FMR1NB: variants seen among roughly 807,000 people sequenced by gnomAD.
FMR1NB encodes the protein FMR1 neighbor.
A neutral mutation model predicts 16.8 loss-of-function variants in FMR1NB; 10 were observed. The observed-to-expected ratio is 0.60, with a 90% CI of 0.37 to 1.01. The LOEUF (loss-of-function observed/expected upper bound fraction) is 1.01, where lower values mean the gene tolerates loss of function less well. Among genes scored for constraint, FMR1NB ranks in the 50% least tolerant of loss-of-function variants. The pLI is 0.01. For synonymous variants in FMR1NB, 83 were observed against 79.1 expected (o/e 1.05, Z -0.26); for missense variants, 205 against 204.8 (o/e 1.00, Z 0.00).
chrX:147,989,442 C>T (rs1557187378), intron 1 of FMR1NB, among the ~76,000 whole-genome samples: 1 of 112,050 alleles, frequency 8.9e-6, no homozygotes, highest in African/African-American at 3.2e-5. Context: ...CTGTCACCCC[C>T]TGTTGGGAGG....
intron 1 of FMR1NB, among the ~76,000 whole-genome samples, chrX:147,996,742 A>G (rs1353768439): frequency 2.7e-5 from 3 of 112,281 alleles, no homozygotes; most frequent in African/African-American, 9.7e-5. Flanking sequence ...TCACATATAG[A>G]TGAAGCTCTC....
chrX:148,001,958 T>C (rs1569546658), intron 1 of FMR1NB, among the ~76,000 whole-genome samples: 1 of 110,428 alleles, frequency 9.1e-6, no homozygotes, highest in Non-Finnish European at 1.9e-5. Context: ...AAAAATCGTA[T>C]CCCTACTCCA....
At chrX:148,014,850 G>T (rs998622252) in intron 4 of FMR1NB, among the ~76,000 whole-genome samples, 7 of 111,464 alleles carry the variant, frequency 6.3e-5, no homozygotes, top group African/African-American at 2.3e-4. Flanking sequence ...TCACCATGTT[G>T]CCCAGGCTGG....
chrX:148,006,581 C>T, intron 2 of FMR1NB, 121 bp from the exon 3 acceptor site: 2 of 697,805 alleles, frequency 2.9e-6, no homozygotes, highest in Non-Finnish European at 4.2e-6. Flanking sequence ...TAGCACCCAT[C>T]ATTAGCTGTA....
chrX:147,998,345 A>G (rs782085788), intron 1 of FMR1NB, among the ~76,000 whole-genome samples: 78 of 111,250 alleles, frequency 7.0e-4, no homozygotes, highest in African/African-American at 2.5e-3. Context: ...TCAGCAAACT[A>G]ACACAGGGAC....
chrX:148,012,148 C>T (rs1557189684), intron 4 of FMR1NB, among the ~76,000 whole-genome samples: 2 of 108,260 alleles, frequency 1.8e-5, no homozygotes, highest in East Asian at 5.8e-4. Context: ...TGGATAGCGA[C>T]AAAAGGAAGC....
chrX:148,015,935 T>C (rs1557190101), intron 4 of FMR1NB, among the ~76,000 whole-genome samples: 1 of 112,084 alleles, frequency 8.9e-6, no homozygotes, highest in African/African-American at 3.2e-5. Flanking sequence ...TGTACAGGGG[T>C]CTATCTCTAT....
intron 4 of FMR1NB, among the ~76,000 whole-genome samples, chrX:148,023,525 T>C (rs1438488821): frequency 9.2e-6 from 1 of 108,132 alleles, no homozygotes; most frequent in Non-Finnish European, 1.9e-5. Context: ...AACCTTGTTT[T>C]TCTGTACAGC....
At chrX:147,989,686 G>A (rs2044494400) in intron 1 of FMR1NB, among the ~76,000 whole-genome samples, 1 of 111,903 alleles carries the variant, frequency 8.9e-6, no homozygotes, top group Admixed American at 9.5e-5. Context: ...CTTGACTGGG[G>A]TTGCTGCCTT....
At chrX:147,990,974 C>G in intron 1 of FMR1NB, among the ~76,000 whole-genome samples, 1 of 110,629 alleles carries the variant, frequency 9.0e-6, no homozygotes, top group South Asian at 3.9e-4. Context: ...CTTCACCACA[C>G]ATTTCCTCAA....
At chrX:148,016,979 G>C (rs2044652972) in intron 4 of FMR1NB, among the ~76,000 whole-genome samples, 1 of 110,831 alleles carries the variant, frequency 9.0e-6, no homozygotes. Context: ...ATTTATTATT[G>C]GTCATTAACA....
intron 4 of FMR1NB, 136 bp downstream of exon 4, chrX:148,008,847 A>G: frequency 1.8e-6 from 1 of 554,275 alleles, no homozygotes; most frequent in Admixed American, 3.8e-5. Flanking sequence ...GTAGCTTGGG[A>G]AAGACCTAAA....
At chrX:147,990,317 C>T (rs1557187481) in intron 1 of FMR1NB, among the ~76,000 whole-genome samples, 1 of 111,700 alleles carries the variant, frequency 9.0e-6, no homozygotes, top group East Asian at 2.8e-4. Flanking sequence ...GTGGGCTTCA[C>T]CCACTGCCTA....
chrX:147,984,081 A>C (rs913880290), intron 1 of FMR1NB, among the ~76,000 whole-genome samples: 2 of 112,178 alleles, frequency 1.8e-5, no homozygotes, highest in Non-Finnish European at 3.8e-5. Flanking sequence ...CTACGTGTCT[A>C]TCTCTATGCT....
At chrX:147,987,826 A>G (rs1161373456) in intron 1 of FMR1NB, among the ~76,000 whole-genome samples, 1 of 110,197 alleles carries the variant, frequency 9.1e-6, no homozygotes, top group Non-Finnish European at 1.9e-5. Context: ...AATTTGTTTT[A>G]TCAGAGACTA....
chrX:148,011,673 C>T (rs2044626004), intron 4 of FMR1NB, among the ~76,000 whole-genome samples: 1 of 111,305 alleles, frequency 9.0e-6, no homozygotes, highest in Non-Finnish European at 1.9e-5. Flanking sequence ...CGTTTCAGGT[C>T]GATTTTGAAG....
At chrX:148,000,413 C>G (rs2044564698) in intron 1 of FMR1NB, among the ~76,000 whole-genome samples, 1 of 111,670 alleles carries the variant, frequency 9.0e-6, no homozygotes, top group Non-Finnish European at 1.9e-5. Flanking sequence ...ATGAATGAAA[C>G]AGGTATAACT....
At chrX:148,012,793 A>C (rs2044631570) in intron 4 of FMR1NB, among the ~76,000 whole-genome samples, 1 of 111,844 alleles carries the variant, frequency 8.9e-6, no homozygotes, top group Non-Finnish European at 1.9e-5. Flanking sequence ...AAACTGCCTA[A>C]AAATCATCAC....
chrX:147,995,891 C>G (rs2124616415), intron 1 of FMR1NB, among the ~76,000 whole-genome samples: 1 of 112,040 alleles, frequency 8.9e-6, no homozygotes, highest in Admixed American at 9.4e-5. Context: ...ATCAAGAGAT[C>G]TAGGTTGCCC....
Sources: gnomAD v4.1 joint callset for allele counts (sites outside exome capture counted in the v4.1 genomes callset) on GRCh38, gnomAD v4.1.1 for gene constraint, MANE v1.5 for transcripts, NCBI Gene and HGNC (gene_info 2026-07-23, HGNC 2026-07-21) for gene names.